ENTREP2: variants seen among roughly 807,000 people sequenced by gnomAD.
ENTREP2 encodes the protein endosomal transmembrane epsin interactor 2, also known as protein ENTREP2.
the ENTREP2 span, among the ~76,000 whole-genome samples, chr15:29,146,377 G>C: frequency 6.6e-6 from 1 of 152,150 alleles, no homozygotes; most frequent in African/African-American, 2.4e-5. Flanking sequence ...GAACTGGAGG[G>C]CTCACACGTC....
chr15:29,388,920 C>T, the ENTREP2 span, among the ~76,000 whole-genome samples: 1 of 133,290 alleles, frequency 7.5e-6, no homozygotes, highest in East Asian at 2.2e-4. Context: ...ACAATGAGAA[C>T]ACTTGGACAC....
chr15:29,560,207 G>A, the ENTREP2 span, among the ~76,000 whole-genome samples: 1 of 152,166 alleles, frequency 6.6e-6, no homozygotes, highest in Non-Finnish European at 1.5e-5. Flanking sequence ...CTGGTTGGAG[G>A]AACTGGGTGA....
the ENTREP2 span, among the ~76,000 whole-genome samples, chr15:29,659,164 T>C: frequency 6.6e-6 from 1 of 152,202 alleles, no homozygotes; most frequent in African/African-American, 2.4e-5. Flanking sequence ...GTGGTCCTTA[T>C]CATTCCTTTA....
the ENTREP2 span, among the ~76,000 whole-genome samples, chr15:29,237,717 C>A: frequency 1.3e-5 from 2 of 152,168 alleles, no homozygotes; most frequent in Non-Finnish European, 2.9e-5. Flanking sequence ...TGGAAATGTA[C>A]AATGGTGCAG....
chr15:29,228,978 T>C, the ENTREP2 span, among the ~76,000 whole-genome samples: 14 of 152,212 alleles, frequency 9.2e-5, no homozygotes, highest in African/African-American at 3.4e-4. Flanking sequence ...ATTAAAAAAT[T>C]TTTATTAGGA....
At chr15:29,621,801 A>G in the ENTREP2 span, among the ~76,000 whole-genome samples, 3 of 152,202 alleles carry the variant, frequency 2.0e-5, no homozygotes, top group South Asian at 2.1e-4. Flanking sequence ...TCTTGAAGTG[A>G]TATTTGTACA....
chr15:29,623,252 C>A, the ENTREP2 span, among the ~76,000 whole-genome samples: 7 of 152,082 alleles, frequency 4.6e-5, no homozygotes, highest in African/African-American at 1.7e-4. Flanking sequence ...AGCCTCTGAG[C>A]GAGGAAAAGC....
chr15:29,245,352 AT>A, the ENTREP2 span, among the ~76,000 whole-genome samples: 7 of 152,320 alleles, frequency 4.6e-5, 1 homozygote, highest in South Asian at 1.4e-3. Context: ...TATTTAAAAA[AT>A]AAAACCCGAA....
the ENTREP2 span, among the ~76,000 whole-genome samples, chr15:29,366,136 T>C: frequency 1.3e-5 from 2 of 152,162 alleles, no homozygotes; most frequent in Non-Finnish European, 2.9e-5. Context: ...TGCAGTAGCA[T>C]GATCTTGATT....
At chr15:29,148,750 C>CT in the ENTREP2 span, among the ~76,000 whole-genome samples, 1 of 152,114 alleles carries the variant, frequency 6.6e-6, no homozygotes, top group Admixed American at 6.6e-5. Flanking sequence ...GCCTCGTGGT[C>CT]TTTCCTGCAT....
chr15:29,451,897 GC>G, the ENTREP2 span, among the ~76,000 whole-genome samples: 1 of 152,240 alleles, frequency 6.6e-6, no homozygotes, highest in African/African-American at 2.4e-5. Context: ...ATCCTGCTCA[GC>G]AGTAGATATT....
chr15:29,201,840 G>A, the ENTREP2 span, among the ~76,000 whole-genome samples: 1 of 152,146 alleles, frequency 6.6e-6, no homozygotes, highest in Non-Finnish European at 1.5e-5. Flanking sequence ...GAGAAATTGT[G>A]TAGAAATGGT....
chr15:29,214,586 T>TA, the ENTREP2 span, among the ~76,000 whole-genome samples: 1 of 151,460 alleles, frequency 6.6e-6, no homozygotes, highest in Non-Finnish European at 1.5e-5. Context: ...ATACCTAATG[T>TA]AAATGACGAG....
chr15:29,420,666 C>T, the ENTREP2 span, among the ~76,000 whole-genome samples: 1 of 152,160 alleles, frequency 6.6e-6, no homozygotes, highest in Non-Finnish European at 1.5e-5. Flanking sequence ...ACCTAGAGGC[C>T]AATATATAGT....
At chr15:29,195,121 T>C in the ENTREP2 span, 2 of 985,226 alleles carry the variant, frequency 2.0e-6, no homozygotes, top group East Asian at 2.3e-4. Flanking sequence ...CCTGGTCCCA[T>C]GATGGGATGG....
chr15:29,589,688 T>C, the ENTREP2 span, among the ~76,000 whole-genome samples: 1 of 152,314 alleles, frequency 6.6e-6, no homozygotes, highest in East Asian at 1.9e-4. Context: ...GCTATTCGGA[T>C]GTCAACTCTA....
chr15:29,446,357 G>A, the ENTREP2 span, among the ~76,000 whole-genome samples: 1 of 152,230 alleles, frequency 6.6e-6, no homozygotes, highest in African/African-American at 2.4e-5. Flanking sequence ...GAGGTGAGGG[G>A]GGAAGTCTGC....
the ENTREP2 span, among the ~76,000 whole-genome samples, chr15:29,251,067 C>T: frequency 1.3e-5 from 2 of 152,166 alleles, no homozygotes; most frequent in African/African-American, 4.8e-5. Flanking sequence ...CAGTGGCTGC[C>T]CCTGTGAATC....
the ENTREP2 span, among the ~76,000 whole-genome samples, chr15:29,477,391 T>C: frequency 1.4e-5 from 2 of 146,086 alleles, no homozygotes; most frequent in Non-Finnish European, 3.0e-5. Flanking sequence ...GTTCTCTGCA[T>C]GTATGTTAGA....
Sources: allele counts gnomAD v4.1 joint callset (sites outside exome capture counted in the v4.1 genomes callset), GRCh38; gene constraint gnomAD v4.1.1; transcripts MANE v1.5; gene names NCBI Gene and HGNC (gene_info 2026-07-23, HGNC 2026-07-21).